Variants in VAV3 observed in about 807,000 individuals in gnomAD.
VAV3 encodes guanine nucleotide exchange factor VAV3.
In VAV3, 94 loss-of-function variants were observed where a neutral mutation model predicts 131.2. That is an observed-to-expected ratio of 0.72 (90% CI 0.61 to 0.85). VAV3 has a LOEUF of 0.85. Ranked by LOEUF, VAV3 falls within the 40% of genes least tolerant of loss-of-function variation. The pLI, the probability that VAV3 is intolerant of heterozygous loss-of-function variation, is 0.00. For synonymous variants in VAV3, 349 were observed against 342.0 expected (o/e 1.02, Z -0.22); for missense variants, 939 against 1,002.7 (o/e 0.94, Z 0.86).
intron 15 of VAV3, among the ~76,000 whole-genome samples, chr1:107,706,296 T>C (rs1660449249): frequency 6.6e-6 from 1 of 152,104 alleles, no homozygotes; most frequent in South Asian, 2.1e-4. Flanking sequence ...CGACCAGGCA[T>C]CAATCTCTGA....
intron 2 of VAV3, among the ~76,000 whole-genome samples, chr1:107,850,726 T>A (rs12402358): frequency 0.21 from 31,886 of 151,804 alleles, 3,706 homozygotes; most frequent in Middle Eastern, 0.31. Context: ...ATAATTTTTT[T>A]AAAAAAAAGA....
chr1:107,745,670 G>A (rs561402218), intron 15 of VAV3, among the ~76,000 whole-genome samples: 1 of 152,214 alleles, frequency 6.6e-6, no homozygotes, highest in South Asian at 2.1e-4. Context: ...TAAATTAAGA[G>A]CCCTAATTTA....
chr1:107,574,784 C>G (rs11802848), intron 25 of VAV3, among the ~76,000 whole-genome samples: 25,246 of 152,166 alleles, frequency 0.17, 2,236 homozygotes, highest in South Asian at 0.27. Context: ...TTATTGTTTT[C>G]TATATAATTC....
chr1:107,755,936 A>G (rs1664077812), intron 11 of VAV3, among the ~76,000 whole-genome samples: 2 of 152,236 alleles, frequency 1.3e-5, no homozygotes, highest in African/African-American at 4.8e-5. Context: ...ACCAAAAGTT[A>G]GATAATGAAT....
chr1:107,665,077 G>C (rs1657317167), intron 19 of VAV3, among the ~76,000 whole-genome samples: 1 of 152,166 alleles, frequency 6.6e-6, no homozygotes, highest in Non-Finnish European at 1.5e-5. Flanking sequence ...GTTTAAGTAG[G>C]AGAGGCCATG....
At chr1:107,823,213 G>A (rs996373234) in intron 2 of VAV3, among the ~76,000 whole-genome samples, 2 of 152,210 alleles carry the variant, frequency 1.3e-5, no homozygotes, top group South Asian at 2.1e-4. Context: ...TGACAGACAT[G>A]AGGGAATCAA....
chr1:107,833,037 CATAAAG>C (rs1668321158), intron 2 of VAV3, among the ~76,000 whole-genome samples: 1 of 152,004 alleles, frequency 6.6e-6, no homozygotes, highest in Non-Finnish European at 1.5e-5. Context: ...AGCAAAAAAT[CATAAAG>C]ATAAAATAAT....
chr1:107,613,177 A>G (rs979415971), intron 21 of VAV3, among the ~76,000 whole-genome samples: 2 of 152,058 alleles, frequency 1.3e-5, no homozygotes, highest in African/African-American at 2.4e-5. Context: ...CTCAGTTTTA[A>G]TATTTGTCTT....
At chr1:107,671,588 C>T (rs61798888) in intron 19 of VAV3, among the ~76,000 whole-genome samples, 4,656 of 152,228 alleles carry the variant, frequency 0.031, 99 homozygotes, top group Middle Eastern at 0.085. Flanking sequence ...GGTCTAGTCT[C>T]ACTCCCAGGA....
chr1:107,761,819 G>A (rs964965886), intron 9 of VAV3, among the ~76,000 whole-genome samples: 11 of 152,082 alleles, frequency 7.2e-5, no homozygotes, highest in African/African-American at 2.4e-4. Flanking sequence ...AGTATTTACT[G>A]AACTGAATGA....
intron 19 of VAV3, among the ~76,000 whole-genome samples, chr1:107,657,365 T>C (rs1242702180): frequency 6.6e-6 from 1 of 152,196 alleles, no homozygotes; most frequent in African/African-American, 2.4e-5. Flanking sequence ...TCCACATGTA[T>C]TAAATCATGG....
rs943471934 is a variant in VAV3 at position 107,582,389 on chromosome 1, T to C, written c.2351-8191A>G. Among the ~76,000 whole-genome samples, 6 of 152,250 alleles carry C rather than the reference T, an allele frequency of 3.9e-5. No homozygotes were observed. The East Asian group carries it at 9.7e-4, about 25-fold the overall frequency. On this transcript the variant is annotated intron_variant, in intron 25 of 26. Transcript: ENST00000370056. ...CCAAACAAAATGACCTAAAACCCTA[T>C]TGTTTACTGCTTATTGTATATATAT...
intron 1 of VAV3, among the ~76,000 whole-genome samples, chr1:107,883,796 A>G (rs1258320118): frequency 6.6e-6 from 1 of 152,168 alleles, no homozygotes; most frequent in African/African-American, 2.4e-5. Flanking sequence ...TCTTGTCCTT[A>G]TAAGAGGAAG....
chr1:107,609,688 T>C (rs1178422292), intron 22 of VAV3: 2 of 414,246 alleles, frequency 4.8e-6, no homozygotes, highest in Admixed American at 3.8e-5. Flanking sequence ...CTGTGGCTGG[T>C]ATAAACTTTA....
chr1:107,662,726 C>T (rs900194969), intron 19 of VAV3, among the ~76,000 whole-genome samples: 6 of 152,114 alleles, frequency 3.9e-5, no homozygotes, highest in Admixed American at 6.6e-5. Flanking sequence ...CCCAGAAAAA[C>T]GCTAACGAAA....
intron 12 of VAV3, among the ~76,000 whole-genome samples, chr1:107,753,334 A>G (rs1356676760): frequency 6.6e-6 from 1 of 151,690 alleles, no homozygotes; most frequent in African/African-American, 2.4e-5. Flanking sequence ...TTCATGTTTA[A>G]TGAGTACAGA....
chr1:107,685,406 G>C (rs11185162), intron 18 of VAV3, among the ~76,000 whole-genome samples: 28,536 of 152,102 alleles, frequency 0.19, 2,770 homozygotes, highest in Middle Eastern at 0.25. Context: ...TAAATGCTTG[G>C]AACAGTTACA....
At chr1:107,838,587 A>G (rs1668569915) in intron 2 of VAV3, among the ~76,000 whole-genome samples, 1 of 152,212 alleles carries the variant, frequency 6.6e-6, no homozygotes, top group Non-Finnish European at 1.5e-5. Flanking sequence ...CATTCAATCC[A>G]GCAATCCAAT....
At chr1:107,608,860 A>G (rs114313102) in intron 22 of VAV3, among the ~76,000 whole-genome samples, 3,851 of 152,324 alleles carry the variant, frequency 0.025, 73 homozygotes, top group Non-Finnish European at 0.038. Flanking sequence ...TTATATTTAT[A>G]TATGTATTCT....
Sources: gnomAD v4.1 joint callset for allele counts (sites outside exome capture counted in the v4.1 genomes callset) on GRCh38, gnomAD v4.1.1 for gene constraint, MANE v1.5 for transcripts, NCBI Gene and HGNC (gene_info 2026-07-23, HGNC 2026-07-21) for gene names.